The following RBFOX1 variants were observed in gnomAD, a reference collection of about 807,000 sequenced individuals.
RBFOX1 encodes RNA binding fox-1 homolog 1, also known as RNA binding protein fox-1 homolog 1.
Under a neutral mutation model 57.7 loss-of-function variants are expected in RBFOX1, and 8 were observed. The ratio of observed to expected loss-of-function variants is 0.14; its 90% confidence interval spans 0.08 to 0.25. The LOEUF is 0.25. Ranked by LOEUF, RBFOX1 falls within the 10% of genes least tolerant of loss-of-function variation. RBFOX1 has a pLI of 1.00. For missense variants in RBFOX1, 611 were observed against 548.5 expected, an observed-to-expected ratio of 1.11 and a Z score of -1.14; for synonymous variants, 326 against 222.4, an observed-to-expected ratio of 1.47 and a Z score of -4.15.
intron 3 of RBFOX1, among the ~76,000 whole-genome samples, chr16:6,826,660 T>G (rs531837115): frequency 2.4e-4 from 37 of 152,210 alleles, no homozygotes; most frequent in African/African-American, 8.9e-4. Flanking sequence ...TTTTCTTTGT[T>G]TGCTACCAGC....
At chr16:6,375,978 C>A (rs897977066) in intron 2 of RBFOX1, among the ~76,000 whole-genome samples, 1 of 152,178 alleles carries the variant, frequency 6.6e-6, no homozygotes, top group African/African-American at 2.4e-5. Context: ...CTGCTGCCTC[C>A]AGCTCCCCCT....
At chr16:7,533,325 A>T (rs986417281) in intron 5 of RBFOX1, among the ~76,000 whole-genome samples, 2 of 152,252 alleles carry the variant, frequency 1.3e-5, no homozygotes, top group South Asian at 2.1e-4. Flanking sequence ...TAATGCCAGA[A>T]TTTAGTGACT....
intron 3 of RBFOX1, among the ~76,000 whole-genome samples, chr16:5,808,028 C>G (rs1358415788): frequency 6.6e-6 from 1 of 152,166 alleles, no homozygotes; most frequent in Non-Finnish European, 1.5e-5. Flanking sequence ...TCCTTCTATG[C>G]CTGAATCCTA....
At chr16:7,221,438 C>G (rs1250891043) in intron 4 of RBFOX1, among the ~76,000 whole-genome samples, 1 of 151,738 alleles carries the variant, frequency 6.6e-6, no homozygotes, top group Non-Finnish European at 1.5e-5. Flanking sequence ...CCAATCTTGG[C>G]TCACTGCAAC....
At chr16:6,270,877 A>C (rs142392108) in intron 1 of RBFOX1, among the ~76,000 whole-genome samples, 1 of 152,364 alleles carries the variant, frequency 6.6e-6, no homozygotes, top group East Asian at 1.9e-4. Flanking sequence ...GTTATAAATT[A>C]ATACCAGAAA....
intron 4 of RBFOX1, chr16:7,304,440 G>C: frequency 2.0e-6 from 2 of 985,390 alleles, no homozygotes; most frequent in Non-Finnish European, 2.4e-6. Context: ...ACGTGGGCAT[G>C]TGTCCCCAGC....
chr16:6,979,028 G>T (rs753825613), intron 3 of RBFOX1, among the ~76,000 whole-genome samples: 3 of 152,142 alleles, frequency 2.0e-5, no homozygotes, highest in Non-Finnish European at 2.9e-5. Context: ...TCTGAGGAGA[G>T]GAGATAATAC....
intron 1 of RBFOX1, among the ~76,000 whole-genome samples, chr16:6,215,374 G>A (rs1228289854): frequency 7.0e-6 from 1 of 142,600 alleles, no homozygotes; most frequent in East Asian, 2.2e-4. Flanking sequence ...GAAGGAGAAG[G>A]GGAGAGCAGG....
At chr16:7,158,091 G>A (rs752204306) in intron 4 of RBFOX1, among the ~76,000 whole-genome samples, 102 of 152,246 alleles carry the variant, frequency 6.7e-4, no homozygotes, top group African/African-American at 1.5e-3. Flanking sequence ...GCTCAAGCCT[G>A]TAATTCCAGC....
chr16:5,887,307 C>G (rs1178376489), intron 4 of RBFOX1, among the ~76,000 whole-genome samples: 1 of 152,194 alleles, frequency 6.6e-6, no homozygotes, highest in Non-Finnish European at 1.5e-5. Context: ...AATGTAACAA[C>G]TAGAAATGAT....
At chr16:7,647,082 T>G (rs2144103510) in intron 11 of RBFOX1, among the ~76,000 whole-genome samples, 1 of 152,336 alleles carries the variant, frequency 6.6e-6, no homozygotes, top group Non-Finnish European at 1.5e-5. Flanking sequence ...CACCACAGCG[T>G]GCCTCTTGTT....
intron 3 of RBFOX1, among the ~76,000 whole-genome samples, chr16:5,743,946 A>G (rs894868329): frequency 6.6e-6 from 1 of 152,244 alleles, no homozygotes; most frequent in South Asian, 2.1e-4. Flanking sequence ...GAAACTTTCT[A>G]TGCTGACAGC....
chr16:6,740,762 A>T (rs142508203), intron 3 of RBFOX1, among the ~76,000 whole-genome samples: 1 of 152,338 alleles, frequency 6.6e-6, no homozygotes, highest in East Asian at 1.9e-4. Context: ...CATGGATTGA[A>T]AGACTCCACT....
At chr16:7,368,067 G>T (rs1159829151) in intron 4 of RBFOX1, among the ~76,000 whole-genome samples, 1 of 152,058 alleles carries the variant, frequency 6.6e-6, no homozygotes, top group African/African-American at 2.4e-5. Context: ...AGGGGTTTGA[G>T]ACCAGCCTGG....
At chr16:6,982,642 C>G (rs1027820604) in intron 3 of RBFOX1, among the ~76,000 whole-genome samples, 2 of 152,140 alleles carry the variant, frequency 1.3e-5, no homozygotes, top group Non-Finnish European at 2.9e-5. Flanking sequence ...TGCACATTGT[C>G]ACATTGAGTA....
chr16:7,607,432 C>A, intron 10 of RBFOX1, 94 bp downstream of exon 10: 1 of 1,100,486 alleles, frequency 9.1e-7, no homozygotes, highest in Non-Finnish European at 1.4e-6. Context: ...TAACCTGAAG[C>A]AAGTGAATTC....
chr16:6,657,759 C>T (rs564841595), intron 3 of RBFOX1, among the ~76,000 whole-genome samples: 1 of 151,998 alleles, frequency 6.6e-6, no homozygotes, highest in Non-Finnish European at 1.5e-5. Flanking sequence ...GCCTCTTGGC[C>T]TATGTGGATT....
At chr16:6,278,287 C>G (rs2152691751) in intron 1 of RBFOX1, among the ~76,000 whole-genome samples, 1 of 143,458 alleles carries the variant, frequency 7.0e-6, no homozygotes, top group Non-Finnish European at 1.5e-5. Context: ...CTTTAAAATC[C>G]TTCCTTTTAA....
At chr16:6,544,919 ATTAG>A (rs970997870) in intron 2 of RBFOX1, among the ~76,000 whole-genome samples, 4 of 152,186 alleles carry the variant, frequency 2.6e-5, no homozygotes, top group Admixed American at 2.6e-4. Context: ...TTTTATGATT[ATTAG>A]TTAAGAGTTT....
Sources: gnomAD v4.1 joint callset for allele counts (sites outside exome capture counted in the v4.1 genomes callset) on GRCh38, gnomAD v4.1.1 for gene constraint, MANE v1.5 for transcripts, NCBI Gene and HGNC (gene_info 2026-07-23, HGNC 2026-07-21) for gene names.